Variants in DNAJC13 observed in about 807,000 individuals in gnomAD.
DNAJC13 encodes the protein DnaJ heat shock protein family (Hsp40) member C13, also known as dnaJ homolog subfamily C member 13.
DNAJC13 carries 75 observed loss-of-function variants against 290.5 expected under a neutral mutation model. The ratio of observed to expected loss-of-function variants is 0.26; its 90% confidence interval spans 0.21 to 0.31. The LOEUF is 0.31. Among genes scored for constraint, DNAJC13 ranks in the 10% least tolerant of loss-of-function variants. DNAJC13 has a pLI of 1.00. For synonymous variants in DNAJC13, 862 were observed against 892.0 expected, an observed-to-expected ratio of 0.97 and a Z score of 0.60; for missense variants, 2,260 against 2,674.5, an observed-to-expected ratio of 0.85 and a Z score of 3.42.
chr3:132,441,468 A>G (rs925091960), intron 2 of DNAJC13, among the ~76,000 whole-genome samples: 4 of 152,220 alleles, frequency 2.6e-5, no homozygotes, highest in Non-Finnish European at 4.4e-5. Flanking sequence ...GCTGTCTTCT[A>G]ACTTTGATTA....
rs967009894 is a variant in DNAJC13, at chr3:132,517,673, GGGTA to G, written c.5673+858_5673+861del. Among the ~76,000 whole-genome samples the G allele has an allele frequency of 8.2e-4, 125 of 152,082 alleles. 2 individuals carry two copies. The highest frequency in any genetic ancestry group is 3.9e-4 in the Admixed American group (6 of 15,270). On this transcript the variant is annotated intron_variant, in intron 48 of 55. Coordinates refer to ENST00000260818, the MANE Select transcript of DNAJC13 (RefSeq NM_015268.4). ...TCAAGCAAGTCCACAAAGGCACTTTGGGTAAGGAGGAGGCTAAGATCCCCTACCT... is the reference window on the plus strand; with the variant it reads ...TCAAGCAAGTCCACAAAGGCACTTTGAGGAGGAGGCTAAGATCCCCTACCT...
intron 22 of DNAJC13, among the ~76,000 whole-genome samples, chr3:132,477,449 C>A (rs113972547): frequency 2.6e-5 from 4 of 152,268 alleles, no homozygotes; most frequent in African/African-American, 9.6e-5. Context: ...AGAGGGAAGA[C>A]CTGAAGTAGT....
chr3:132,451,512 A>G (rs1933414887), intron 6 of DNAJC13, among the ~76,000 whole-genome samples: 1 of 152,168 alleles, frequency 6.6e-6, no homozygotes, highest in African/African-American at 2.4e-5. Context: ...AACCCTGTTA[A>G]TCAGTAATAG....
At chr3:132,418,263 T>C (rs1463529142) in intron 1 of DNAJC13, among the ~76,000 whole-genome samples, 5 of 152,248 alleles carry the variant, frequency 3.3e-5, no homozygotes, top group Non-Finnish European at 5.9e-5. Context: ...TCCAGTACTT[T>C]TTCTAAAATC....
At chr3:132,523,889 G>A (rs564720890) in intron 51 of DNAJC13, 176 bp downstream of exon 51, 2 of 603,898 alleles carry the variant, frequency 3.3e-6, no homozygotes, top group Non-Finnish European at 5.5e-6. Context: ...ATGTTCAAAA[G>A]TGAAGCTCTT....
intron 46 of DNAJC13, among the ~76,000 whole-genome samples, chr3:132,515,278 C>T (rs1935887185): frequency 1.3e-5 from 2 of 152,150 alleles, no homozygotes; most frequent in African/African-American, 4.8e-5. Context: ...AACCAGAATA[C>T]ATTGCTTAGT....
rs148285205 is a variant in DNAJC13, at chr3:132,457,848, T to C, written c.1449+480T>C. 681 of 154,234 alleles carry C rather than the reference T, an allele frequency of 4.4e-3. 4 individuals are homozygous for C. The highest frequency in any genetic ancestry group is 6.6e-3 in the Non-Finnish European group (458 of 69,182). 9.6% of individuals were successfully genotyped at this position (154,234 alleles called of 1,614,324 possible). ...TTGGAAAGCAACAAATAATTAAATA[T>C]GGTTGGGTTATAAGGTATGGATGGG... On this transcript the variant is annotated intron_variant, in intron 13 of 55. Transcript: ENST00000260818.
At position 132,466,340 on chromosome 3, in the gene DNAJC13, A is replaced by G. The variant is rs749180640; in HGVS notation, c.2010A>G (p.Val670=). Residue 670 remains valine (V), a synonymous_variant, in exon 19 of 56, where the codon GTA becomes GTG. Transcript: ENST00000260818. The part of the protein sequence containing the change: ...LLAYLESSDL[V]PEKDADRMHV... The stretch of plus-strand genomic sequence containing the variant: ...CATACTTGGAAAGCTCAGATCTCGT[A>G]CCTGAGAAGGATGCTGATCGGATGC... The G allele has an allele frequency of 2.5e-6, 4 of 1,600,788 alleles. No individual in the cohort carries two copies. The East Asian group carries it at 6.7e-5, about 27-fold the overall frequency.
At chr3:132,432,029 C>T (rs955117593) in intron 1 of DNAJC13, among the ~76,000 whole-genome samples, 3 of 151,886 alleles carry the variant, frequency 2.0e-5, no homozygotes, top group African/African-American at 4.8e-5. Context: ...TGTCTCAAGC[C>T]GTTATAAAAA....
chr3:132,441,990 C>G (rs1030463939), intron 2 of DNAJC13, among the ~76,000 whole-genome samples: 1 of 149,644 alleles, frequency 6.7e-6, no homozygotes, highest in African/African-American at 2.5e-5. Flanking sequence ...AATAGAGTAT[C>G]TGACCTAACA....
At chr3:132,426,356 C>G (rs572225865) in intron 1 of DNAJC13, among the ~76,000 whole-genome samples, 2 of 152,254 alleles carry the variant, frequency 1.3e-5, no homozygotes, top group East Asian at 3.9e-4. Context: ...CAGAAAGAAT[C>G]ATGGGTCTTT....
intron 5 of DNAJC13, among the ~76,000 whole-genome samples, chr3:132,449,052 G>C (rs1933341860): frequency 1.3e-5 from 2 of 152,166 alleles, no homozygotes; most frequent in Admixed American, 6.5e-5. Context: ...TCTTGTGGTA[G>C]AAACAGTACC....
At chr3:132,524,489 C>T (rs1345493211) in intron 51 of DNAJC13, among the ~76,000 whole-genome samples, 1 of 152,226 alleles carries the variant, frequency 6.6e-6, no homozygotes, top group Non-Finnish European at 1.5e-5. Flanking sequence ...ATAGCAGCTG[C>T]CTCTGAGGCA....
Position 132,499,151 on chromosome 3 carries a change from A to C in DNAJC13, c.4182A>C (p.Gly1394=), listed in dbSNP as rs1270620760. 1 of 1,610,190 alleles carries C rather than the reference A, an allele frequency of 6.2e-7. No individual in the cohort carries two copies. Among genetic ancestry groups the C allele is most frequent in the Non-Finnish European group, 8.5e-7 (1 of 1,177,582 alleles). ...KEDLQPYKYA[G]YPMLIRTITM... The stretch of plus-strand genomic sequence containing the variant: ...ATTTACAGCCTTATAAATATGCAGG[A>C]TACCCCATGCTTATTCGGACTATAA... Residue 1394 remains glycine, a synonymous_variant, in exon 37 of 56, where the codon GGA becomes GGC. Transcript: ENST00000260818.
rs3762672 is a variant in DNAJC13 at position 132,499,779 on chromosome 3, G to T, written c.4387G>T (p.Ala1463Ser). 0.51 allele frequency: 827,030 copies of T among 1,612,980 alleles called. 224,471 individuals carry two copies. The highest frequency in any genetic ancestry group is 0.92 in the East Asian group (41,379 of 44,862). Residue 1463 changes from alanine (A) to serine (S), a missense_variant, in exon 38 of 56, where the codon GCT becomes TCT. Ala to Ser is a moderately conservative substitution (Grantham distance 99). Coordinates refer to ENST00000260818, the MANE Select transcript of DNAJC13 (RefSeq NM_015268.4). ...TCGCTGTGTGGCTGTCTTGACTCGTGCTAGTAAACCAAGTGACATGTCAGT... is the reference window on the plus strand; with the variant it reads ...TCGCTGTGTGGCTGTCTTGACTCGTTCTAGTAAACCAAGTGACATGTCAGT... ...FSRCVAVLTR[A>S]SKPSDMSVQV...
rs759497555 is a variant in DNAJC13 at position 132,500,887 on chromosome 3, C to A, written c.4510C>A (p.Leu1504Ile). 6.2e-7 allele frequency: 1 copy of A among 1,614,010 alleles called. No individual in the cohort carries two copies. The highest frequency in any genetic ancestry group is 8.5e-7 in the Non-Finnish European group (1 of 1,179,940). The change falls in exon 39 of 56, where the codon CTC (leucine) becomes ATC (isoleucine). Residue 1504 changes from leucine to isoleucine, a missense_variant. Physicochemically the swap from Leu to Ile is conservative, Grantham distance 5. Transcript: ENST00000260818. ...ITEMPSIIKD[L>I]CRVLYFGKSI... is the part of the protein sequence containing the mutation. ...GGAAATGCCTAGCATCATCAAGGATCTCTGTCGGGTACTATATTTTGGCAA... is the reference window on the plus strand; with the variant it reads ...GGAAATGCCTAGCATCATCAAGGATATCTGTCGGGTACTATATTTTGGCAA...
intron 20 of DNAJC13, among the ~76,000 whole-genome samples, chr3:132,471,007 C>T (rs1201355060): frequency 5.6e-3 from 583 of 104,136 alleles, no homozygotes; most frequent in Middle Eastern, 0.024. Flanking sequence ...GGCGGCTGGC[C>T]GGGCGGAGGG....
intron 48 of DNAJC13, among the ~76,000 whole-genome samples, chr3:132,521,568 G>C (rs1212756862): frequency 6.6e-6 from 1 of 152,140 alleles, no homozygotes; most frequent in East Asian, 1.9e-4. Context: ...CTAACTTTTA[G>C]GTGCTTCTTT....
At position 132,453,660 on chromosome 3, in the gene DNAJC13, C is replaced by G. The variant is rs1415842098; in HGVS notation, c.806C>G (p.Thr269Ser). 6.2e-7 allele frequency: 1 copy of G among 1,613,312 alleles called. No homozygotes were observed. The highest frequency in any genetic ancestry group is 8.5e-7 in the Non-Finnish European group (1 of 1,179,804). ...TGTTTAGTAGAACGTGATCCGGCAA[C>G]CTATAATATTGCAACATTGAAGCCT... Reference protein sequence around the residue: ...ETCLVERDPATYNIATLKPLG... With the variant: ...ETCLVERDPASYNIATLKPLG... Residue 269 changes from threonine to serine, a missense_variant, in exon 8 of 56, where the codon ACC becomes AGC. Around this residue, in one of 3 missense-constraint regions of DNAJC13, gnomAD observed 762 missense variants for 964.1 expected, o/e 0.79. Transcript: ENST00000260818.
Sources: gnomAD v4.1 joint callset for allele counts (sites outside exome capture counted in the v4.1 genomes callset) on GRCh38, gnomAD v4.1.1 for gene constraint, gnomAD v4.1.1 regional missense constraint, MANE v1.5 for transcripts, NCBI Gene and HGNC (gene_info 2026-07-23, HGNC 2026-07-21) for gene names.